ZHX2: variants seen among roughly 807,000 people sequenced by gnomAD.
ZHX2 encodes the protein zinc fingers and homeoboxes protein 2.
A neutral mutation model predicts 21.9 loss-of-function variants in ZHX2; 6 were observed. The ratio of observed to expected loss-of-function variants is 0.27; its 90% CI spans 0.15 to 0.54. The LOEUF is 0.54. Ranked by LOEUF, ZHX2 falls within the 20% of genes least tolerant of loss-of-function variation. The pLI is 0.95. For missense variants in ZHX2, 908 were observed against 1,090.7 expected (o/e 0.83, Z 2.36); for synonymous variants, 434 against 437.1 (o/e 0.99, Z 0.09).
At chr8:122,949,441 C>T (rs985395146) in intron 2 of ZHX2, among the ~76,000 whole-genome samples, 2 of 152,058 alleles carry the variant, frequency 1.3e-5, no homozygotes, top group Admixed American at 1.3e-4. Context: ...CACTGAATGT[C>T]TAAATAAAAA....
chr8:122,970,400 T>TG (rs1000058693), intron 3 of ZHX2, among the ~76,000 whole-genome samples: 150 of 152,258 alleles, frequency 9.9e-4, no homozygotes, highest in African/African-American at 3.3e-3. Context: ...AGGGAGCGGA[T>TG]GGGGGGGTCA....
chr8:122,888,109 A>C (rs1819887640), intron 2 of ZHX2, among the ~76,000 whole-genome samples: 1 of 152,174 alleles, frequency 6.6e-6, no homozygotes, highest in Non-Finnish European at 1.5e-5. Context: ...AAAGGGACTA[A>C]GAGGACCAGG....
intron 1 of ZHX2, among the ~76,000 whole-genome samples, chr8:122,815,199 G>C (rs1394380711): frequency 2.0e-5 from 3 of 152,072 alleles, no homozygotes; most frequent in African/African-American, 7.3e-5. Flanking sequence ...ACGTACCACG[G>C]GCCAGGCACT....
chr8:122,952,341 G>A lies in ZHX2; in HGVS notation c.831G>A (p.Met277Ile). 6.2e-7 allele frequency: 1 copy of A among 1,614,160 alleles called. No individual in the cohort carries two copies. The highest frequency in any genetic ancestry group is 8.5e-7 in the Non-Finnish European group (1 of 1,180,028). ...YNSALDTNAT[M>I]INSFNKFPYP... is the part of the protein sequence containing the mutation. ...CTGCCCTGGATACAAATGCCACGAT[G>A]ATCAACTCTTTCAACAAGTTTCCTT... The change falls in exon 3 of 4, where the codon ATG becomes ATA. Residue 277 changes from methionine to isoleucine, a missense_variant. Met to Ile is a conservative substitution (Grantham distance 10, BLOSUM62 1). Around this residue, in one of 4 missense-constraint regions of ZHX2, gnomAD observed 232 missense variants for 361.8 expected, o/e 0.64. Transcript: ENST00000314393. The surrounding 1 kb of genome is among the most constrained non-coding windows in gnomAD (Gnocchi z 6.9).
At chr8:122,915,092 G>T (rs1809418573) in intron 2 of ZHX2, among the ~76,000 whole-genome samples, 1 of 152,142 alleles carries the variant, frequency 6.6e-6, no homozygotes, top group Non-Finnish European at 1.5e-5. Flanking sequence ...AGTTCTAGGG[G>T]GCTGGAGCTG....
chr8:122,833,966 C>T (rs1182612994), intron 1 of ZHX2, among the ~76,000 whole-genome samples: 1 of 150,292 alleles, frequency 6.7e-6, no homozygotes, highest in Non-Finnish European at 1.5e-5. Flanking sequence ...CACTGCACTC[C>T]AGCCTGGGCG....
chr8:122,957,660 G>C (rs1320888217), intron 3 of ZHX2, among the ~76,000 whole-genome samples: 1 of 152,114 alleles, frequency 6.6e-6, no homozygotes, highest in Non-Finnish European at 1.5e-5. Context: ...TAGTAGAGGT[G>C]GGGTTTCACC....
chr8:122,889,848 T>TG (rs933273623), intron 2 of ZHX2, among the ~76,000 whole-genome samples: 1 of 152,076 alleles, frequency 6.6e-6, no homozygotes, highest in Non-Finnish European at 1.5e-5. Context: ...GGTTGGGGGA[T>TG]GGGGGGATCC....
intron 2 of ZHX2, among the ~76,000 whole-genome samples, chr8:122,928,492 G>A (rs1301428002): frequency 6.6e-6 from 1 of 152,150 alleles, no homozygotes; most frequent in African/African-American, 2.4e-5. Context: ...AGTTGGGATA[G>A]AATTCAATGA....
intron 2 of ZHX2, among the ~76,000 whole-genome samples, chr8:122,936,972 T>A (rs181220957): frequency 2.0e-5 from 3 of 152,356 alleles, no homozygotes; most frequent in Admixed American, 1.3e-4. Flanking sequence ...GAGACAGTGA[T>A]GTTCTCACTG....
At chr8:122,893,106 TA>T (rs1345670086) in intron 2 of ZHX2, among the ~76,000 whole-genome samples, 1 of 152,190 alleles carries the variant, frequency 6.6e-6, no homozygotes, top group Non-Finnish European at 1.5e-5. Context: ...TATTCTTGAG[TA>T]GTTGGTTTTT....
chr8:122,939,311 G>A (rs1251015960), intron 2 of ZHX2, among the ~76,000 whole-genome samples: 1 of 152,228 alleles, frequency 6.6e-6, no homozygotes, highest in African/African-American at 2.4e-5. Flanking sequence ...CTCCCACTCA[G>A]GAGCCTGACT....
At position 122,951,661 on chromosome 8, in the gene ZHX2, C is replaced by T. The variant is rs201553642; in HGVS notation, c.151C>T (p.Leu51Phe). 1.1e-5 allele frequency: 17 copies of T among 1,613,954 alleles called. No homozygotes were observed. The African/African-American group carries it at 1.7e-4, about 16-fold the overall frequency. The change falls in exon 3 of 4, where the codon CTT (leucine) becomes TTT (phenylalanine). Residue 51 changes from leucine (L) to phenylalanine (F), a missense_variant. By Grantham distance (22) the Leu-to-Phe change is conservative. Transcript: ENST00000314393. ...GGCCAAGGACAGTTGGGCAGCAGAA[C>T]TTGAAAACTCTTCCAAAGAAAACGA... is the stretch of plus-strand genomic sequence containing the variant. The part of the protein sequence containing the change: ...DVAKDSWAAE[L>F]ENSSKENEVI...
rs11786787 is a variant in ZHX2 at position 122,792,328 on chromosome 8, T to C, written c.-283+10382T>C. On this transcript the variant is annotated intron_variant, in intron 1 of 3. Transcript: ENST00000314393. Reference sequence around the variant, plus strand: ...TGTATTAGTATTTTGTTTCCTTTTATATCCTGTTGTGTGGATATACCACAT... The same window carrying C: ...TGTATTAGTATTTTGTTTCCTTTTACATCCTGTTGTGTGGATATACCACAT... Among the ~76,000 whole-genome samples the C allele has an allele frequency of 3.2e-3, 494 of 152,358 alleles. 8 individuals are homozygous for C. The East Asian group carries it at 0.047, about 15-fold the overall frequency.
intron 2 of ZHX2, among the ~76,000 whole-genome samples, chr8:122,915,615 C>T (rs1820582115): frequency 6.6e-6 from 1 of 152,192 alleles, no homozygotes; most frequent in Non-Finnish European, 1.5e-5. Flanking sequence ...ACATTTCCTC[C>T]TTCAGTTATG....
intron 2 of ZHX2, among the ~76,000 whole-genome samples, chr8:122,892,729 G>A (rs1202010475): frequency 6.6e-6 from 1 of 152,034 alleles, no homozygotes; most frequent in African/African-American, 2.4e-5. Flanking sequence ...CTGTCGCCTG[G>A]GCTGGAGTGC....
intron 2 of ZHX2, among the ~76,000 whole-genome samples, chr8:122,873,769 C>G (rs1819502063): frequency 6.6e-6 from 1 of 152,192 alleles, no homozygotes; most frequent in African/African-American, 2.4e-5. Context: ...ACAAAGTGTA[C>G]TCCTTCCTGG....
chr8:122,923,846 T>G (rs1820791514), intron 2 of ZHX2, among the ~76,000 whole-genome samples: 1 of 152,236 alleles, frequency 6.6e-6, no homozygotes, highest in Admixed American at 6.5e-5. Flanking sequence ...TCCATGGGTA[T>G]GCTCTCTGAC....
chr8:122,908,426 T>A (rs956958925), intron 2 of ZHX2, among the ~76,000 whole-genome samples: 2 of 152,094 alleles, frequency 1.3e-5, no homozygotes, highest in African/African-American at 4.8e-5. Flanking sequence ...GCCAGGCTGG[T>A]CTGGAACTCC....
Sources: gnomAD v4.1 joint callset for allele counts (sites outside exome capture counted in the v4.1 genomes callset) on GRCh38, gnomAD v4.1.1 for gene constraint, gnomAD v4.1.1 regional missense constraint, Gnocchi (gnomAD v3.1) non-coding constraint, MANE v1.5 for transcripts, NCBI Gene and HGNC (gene_info 2026-07-23, HGNC 2026-07-21) for gene names.